Variants in WRN observed in about 807,000 individuals in gnomAD.
WRN encodes the protein bifunctional 3'-5' exonuclease/ATP-dependent helicase WRN.
A neutral mutation model predicts 180.7 loss-of-function variants in WRN; 149 were observed. That is an observed-to-expected ratio of 0.82 (90% CI 0.72 to 0.94). The LOEUF is 0.94. Ranked by LOEUF, WRN falls within the 40% of genes least tolerant of loss-of-function variation. The pLI, the probability that WRN is intolerant of heterozygous loss-of-function variation, is 0.00. For missense variants in WRN, 1,661 were observed against 1,700.1 expected, an observed-to-expected ratio of 0.98 and a Z score of 0.40; for synonymous variants, 548 against 568.9, an observed-to-expected ratio of 0.96 and a Z score of 0.52.
At chr8:31,039,040 A>T (rs917276316) in intron 1 of WRN, among the ~76,000 whole-genome samples, 2 of 152,134 alleles carry the variant, frequency 1.3e-5, no homozygotes, top group Non-Finnish European at 2.9e-5. Context: ...TCTTTTCAAG[A>T]TTATTTTGGC....
Position 31,111,654 on chromosome 8 carries a change from A to G in WRN, c.2128A>G (p.Ile710Val), listed in dbSNP as rs180814740. The G allele has an allele frequency of 4.8e-5, 77 of 1,614,088 alleles. No homozygotes were observed. The East Asian group carries it at 4.9e-4, about 10-fold the overall frequency. ...ACTTACTGCTACTGCAAGTTCTTCA[A>G]TCCGGGAAGACATTGTACGTTGCTT... ...VALTATASSS[I>V]REDIVRCLNL... is the part of the protein sequence containing the mutation. Residue 710 changes from isoleucine to valine, a missense_variant, in exon 19 of 35, where the codon ATC becomes GTC. By Grantham distance (29) the Ile-to-Val change is conservative. Around this residue, in one of 3 missense-constraint regions of WRN, gnomAD observed 1,141 missense variants for 1,149.4 expected, o/e 0.99. Coordinates refer to ENST00000298139, the MANE Select transcript of WRN (RefSeq NM_000553.6).
At chr8:31,071,558 C>T (rs907141800) in intron 7 of WRN, among the ~76,000 whole-genome samples, 5 of 152,018 alleles carry the variant, frequency 3.3e-5, no homozygotes, top group Non-Finnish European at 7.4e-5. Flanking sequence ...CTTGGCTTAC[C>T]GCAGCTTCCA....
At chr8:31,035,660 T>G (rs1246345159) in intron 1 of WRN, among the ~76,000 whole-genome samples, 1 of 152,108 alleles carries the variant, frequency 6.6e-6, no homozygotes, top group East Asian at 1.9e-4. Context: ...AAAATTGGAG[T>G]AAGATATCAT....
At chr8:31,122,525 A>C (rs1801761628) in intron 21 of WRN, among the ~76,000 whole-genome samples, 1 of 151,982 alleles carries the variant, frequency 6.6e-6, no homozygotes, top group Non-Finnish European at 1.5e-5. Flanking sequence ...TGTTACCTTA[A>C]ATAGTCAAAC....
intron 13 of WRN, among the ~76,000 whole-genome samples, chr8:31,090,200 A>G (rs148901095): frequency 1.0e-4 from 15 of 150,698 alleles, no homozygotes; most frequent in African/African-American, 3.4e-4. Flanking sequence ...TCTTTTGGAT[A>G]TCTAGTATGA....
At chr8:31,058,692 G>A in intron 2 of WRN, 149 bp downstream of exon 2, 1 of 764,576 alleles carries the variant, frequency 1.3e-6, no homozygotes, top group Non-Finnish European at 2.2e-6. Context: ...TGTTGAAAGG[G>A]TAAACTGGAA....
chr8:31,126,008 C>T (rs897977627), intron 23 of WRN, among the ~76,000 whole-genome samples: 8 of 145,426 alleles, frequency 5.5e-5, no homozygotes, highest in African/African-American at 2.1e-4. Context: ...ATCTACTTAA[C>T]AAAAAGACTG....
chr8:31,112,026 C>A (rs937670717), intron 19 of WRN, among the ~76,000 whole-genome samples: 2 of 151,946 alleles, frequency 1.3e-5, no homozygotes, highest in East Asian at 1.9e-4. Flanking sequence ...TTTAATACCC[C>A]ATTCTGTTGC....
intron 17 of WRN, among the ~76,000 whole-genome samples, chr8:31,098,439 G>GT (rs1814080545): frequency 6.6e-6 from 1 of 151,910 alleles, no homozygotes. Context: ...CTCTATTTTT[G>GT]TTTTTTTGTA....
chr8:31,085,090 A>G, intron 10 of WRN, 76 bp from the exon 11 acceptor site: 1 of 1,377,216 alleles, frequency 7.3e-7, no homozygotes, highest in South Asian at 1.2e-5. Context: ...TCTAGTATAT[A>G]GGAGCTTTGT....
intron 1 of WRN, among the ~76,000 whole-genome samples, chr8:31,039,461 T>C (rs1684876991): frequency 1.3e-5 from 2 of 152,190 alleles, no homozygotes; most frequent in Non-Finnish European, 2.9e-5. Flanking sequence ...AGTAGCTTTC[T>C]TTGAGATTTT....
At position 31,111,776 on chromosome 8, in the gene WRN, G is replaced by T. The variant is rs747407604; in HGVS notation, c.2250G>T (p.Leu750=). Residue 750 remains leucine, a synonymous_variant, in exon 19 of 35, where the codon CTG becomes CTT. Transcript: ENST00000298139. ...AAACAGGGAATATCCTTCAGGATCT[G>T]CAGCCATTTCTTGTCAAAACAAGGT... ...RRKTGNILQD[L]QPFLVKTSSH... 41 of 1,613,552 alleles carry T rather than the reference G, an allele frequency of 2.5e-5. No individual in the cohort carries two copies. Among genetic ancestry groups the T allele is most frequent in the South Asian group, 2.0e-4 (18 of 91,074 alleles).
At chr8:31,113,351 G>A (rs1801391489) in intron 19 of WRN, among the ~76,000 whole-genome samples, 1 of 152,124 alleles carries the variant, frequency 6.6e-6, no homozygotes, top group Non-Finnish European at 1.5e-5. Context: ...GGACCTTAAG[G>A]AATAATTGAA....
chr8:31,039,768 A>AT (rs897090438), intron 1 of WRN, among the ~76,000 whole-genome samples: 5 of 152,162 alleles, frequency 3.3e-5, no homozygotes, highest in Admixed American at 2.6e-4. Flanking sequence ...AGGGTGTTGG[A>AT]TTTTGTCAAA....
intron 33 of WRN, among the ~76,000 whole-genome samples, chr8:31,165,654 G>A (rs1203968092): frequency 6.6e-6 from 1 of 151,966 alleles, no homozygotes; most frequent in Non-Finnish European, 1.5e-5. Flanking sequence ...AATTTTAACT[G>A]GAAATACTTG....
At chr8:31,056,943 G>A (rs1001480351) in intron 1 of WRN, among the ~76,000 whole-genome samples, 2 of 151,944 alleles carry the variant, frequency 1.3e-5, no homozygotes, top group Non-Finnish European at 2.9e-5. Context: ...TGTTTACTGG[G>A]AACTTTGGTG....
intron 7 of WRN, among the ~76,000 whole-genome samples, chr8:31,075,295 A>G (rs1346006084): frequency 6.6e-6 from 1 of 152,202 alleles, no homozygotes; most frequent in Non-Finnish European, 1.5e-5. Context: ...ATGATGATGA[A>G]TAAATTCTAA....
chr8:31,085,135 G>A (rs1563341265), intron 10 of WRN, 31 bp from the exon 11 acceptor site: 7 of 1,606,682 alleles, frequency 4.4e-6, no homozygotes, highest in Non-Finnish European at 6.0e-6. Flanking sequence ...CAATTATATT[G>A]GAAATTAATG....
At chr8:31,055,419 A>AT (rs1333526049) in intron 1 of WRN, among the ~76,000 whole-genome samples, 3 of 152,150 alleles carry the variant, frequency 2.0e-5, no homozygotes, top group African/African-American at 4.8e-5. Context: ...TTGTTTCTTG[A>AT]TTTTTTAATA....
Sources: allele counts gnomAD v4.1 joint callset (sites outside exome capture counted in the v4.1 genomes callset), GRCh38; gene constraint gnomAD v4.1.1; regional missense constraint gnomAD v4.1.1; transcripts MANE v1.5; gene names NCBI Gene and HGNC (gene_info 2026-07-23, HGNC 2026-07-21).